ACTN4: variants seen among roughly 807,000 people sequenced by gnomAD.
The protein encoded by ACTN4 is alpha-actinin-4.
A neutral mutation model predicts 114.2 loss-of-function variants in ACTN4; 18 were observed. That is an observed-to-expected ratio of 0.16 (90% CI 0.11 to 0.23). The LOEUF is 0.23. Among genes scored for constraint, ACTN4 ranks in the 10% least tolerant of loss-of-function variants. The pLI is 1.00. For missense variants in ACTN4, 722 were observed against 1,262.9 expected (o/e 0.57, Z 6.49); for synonymous variants, 515 against 506.3 (o/e 1.02, Z -0.23).
intron 12 of ACTN4, 80 bp from the exon 13 acceptor site, chr19:38,723,534 G>A (rs1969117640): frequency 9.4e-7 from 1 of 1,064,496 alleles, no homozygotes; most frequent in Non-Finnish European, 1.4e-6. Context: ...CCCTGGCCTG[G>A]GAACCTTGGG....
At chr19:38,672,202 G>A (rs1286434019) in intron 1 of ACTN4, among the ~76,000 whole-genome samples, 1 of 149,830 alleles carries the variant, frequency 6.7e-6, no homozygotes, top group African/African-American at 2.5e-5. Context: ...CCTGCCAGAC[G>A]TATGGCCCAC....
intron 1 of ACTN4, among the ~76,000 whole-genome samples, chr19:38,649,876 C>T (rs1398391436): frequency 6.6e-6 from 1 of 152,032 alleles, no homozygotes; most frequent in Non-Finnish European, 1.5e-5. Flanking sequence ...CTTGAATTTC[C>T]TCATCCGTAG....
intron 8 of ACTN4, among the ~76,000 whole-genome samples, chr19:38,712,729 GCATGTTTGCCATT>G (rs1300180138): frequency 6.6e-6 from 1 of 152,112 alleles, no homozygotes; most frequent in Admixed American, 6.5e-5. Context: ...CCAACTAACA[GCATGTTTGCCATT>G]GGACTCACCC....
chr19:38,714,747 G>A (rs1968782956), intron 9 of ACTN4, among the ~76,000 whole-genome samples, 186 bp downstream of exon 9: 1 of 152,352 alleles, frequency 6.6e-6, no homozygotes, highest in Non-Finnish European at 1.5e-5. Context: ...CAAGGCTAAG[G>A]GTCAGACCGG....
intron 1 of ACTN4, among the ~76,000 whole-genome samples, chr19:38,698,542 C>T (rs1968166472): frequency 6.6e-6 from 1 of 152,178 alleles, no homozygotes; most frequent in South Asian, 2.1e-4. Context: ...ATGTGGTCTG[C>T]AGGGAGGAGG....
chr19:38,731,486 T>C lies in ACTN4; in HGVS notation c.*2054T>C. 5.6e-6 allele frequency: 3 copies of C among 533,254 alleles called. No individual in the cohort carries two copies. The highest frequency in any genetic ancestry group is 1.0e-5 in the Non-Finnish European group (3 of 293,254). The allele number at this position is 533,254 out of a possible 1,614,324, so 33.0% of individuals were successfully genotyped here. ...GGACAGCGTCTGACACGTGACTCGA[T>C]GTGTGGGTACTGTTACTCCTTAAAT... On this transcript the variant is annotated 3_prime_UTR_variant, in exon 21 of 21. Transcript: ENST00000252699.
At chr19:38,652,925 A>G (rs562932357) in intron 1 of ACTN4, among the ~76,000 whole-genome samples, 1 of 152,186 alleles carries the variant, frequency 6.6e-6, no homozygotes, top group South Asian at 2.1e-4. Context: ...GTCTCTACCA[A>G]TAATACAAAA....
intron 1 of ACTN4, among the ~76,000 whole-genome samples, chr19:38,655,922 T>G (rs1976698890): frequency 1.3e-5 from 2 of 152,240 alleles, no homozygotes; most frequent in African/African-American, 4.8e-5. Flanking sequence ...CTGTGCTGTT[T>G]AGGAAATAAT....
chr19:38,681,639 G>A (rs762952616), intron 1 of ACTN4, among the ~76,000 whole-genome samples: 7 of 152,122 alleles, frequency 4.6e-5, no homozygotes, highest in Non-Finnish European at 8.8e-5. Context: ...GACCTTTGCT[G>A]TCCTCAGATC....
chr19:38,709,613 G>A (rs535665536), intron 7 of ACTN4, 137 bp downstream of exon 7: 2 of 779,286 alleles, frequency 2.6e-6, no homozygotes, highest in Non-Finnish European at 4.5e-6. Context: ...AGCAAGAAGG[G>A]CTGAATGATT....
intron 11 of ACTN4, 99 bp from the exon 12 acceptor site, chr19:38,721,438 TC>T: frequency 7.2e-7 from 1 of 1,392,896 alleles, no homozygotes; most frequent in East Asian, 2.3e-5. Flanking sequence ...GGATGTGGGG[TC>T]CACAGTCTCT....
At chr19:38,663,414 G>T (rs1005237506) in intron 1 of ACTN4, among the ~76,000 whole-genome samples, 3 of 152,216 alleles carry the variant, frequency 2.0e-5, no homozygotes, top group Non-Finnish European at 4.4e-5. Flanking sequence ...AGCTCGCGGT[G>T]TAGCTGGGGA....
chr19:38,717,849 A>G lies in ACTN4; in HGVS notation c.1144-78A>G, dbSNP rs113496871. The G allele has an allele frequency of 1.3e-6, 2 of 1,541,878 alleles. No individual in the cohort carries two copies. The highest frequency in any genetic ancestry group is 2.4e-5 in the East Asian group (1 of 40,898). ...CCCAGCCAAGTTCTGCCACCTTCCC[A>G]TCAGCATCCCTTGGAGACATCCCCC... On this transcript the variant is annotated intron_variant, in intron 10 of 20. Coordinates refer to ENST00000252699, the MANE Select transcript of ACTN4 (RefSeq NM_004924.6). The surrounding 1 kb of genome is among the most constrained non-coding windows in gnomAD (Gnocchi z 4.0).
intron 17 of ACTN4, 70 bp from the exon 18 acceptor site, chr19:38,726,885 CCT>C: frequency 6.2e-7 from 1 of 1,603,162 alleles, no homozygotes; most frequent in South Asian, 1.1e-5. Context: ...AGTTCACAGT[CCT>C]CCACGTGTGA....
chr19:38,667,550 T>C (rs968065349), intron 1 of ACTN4, among the ~76,000 whole-genome samples: 1 of 152,166 alleles, frequency 6.6e-6, no homozygotes, highest in Non-Finnish European at 1.5e-5. Context: ...TTTTGAGCCA[T>C]TCCCTATTTA....
chr19:38,693,596 C>T (rs954634379), intron 1 of ACTN4: 1 of 152,222 alleles, frequency 6.6e-6, no homozygotes, highest in Non-Finnish European at 1.5e-5. Flanking sequence ...TTTGCCTCTT[C>T]GGGTTGAGGG....
chr19:38,673,021 C>T (rs1207247867), intron 1 of ACTN4, among the ~76,000 whole-genome samples: 1 of 149,970 alleles, frequency 6.7e-6, no homozygotes, highest in Non-Finnish European at 1.5e-5. Context: ...TGGCTCACTA[C>T]AACCTCTGCC....
chr19:38,677,335 A>G (rs1967411009), intron 1 of ACTN4, among the ~76,000 whole-genome samples: 1 of 149,930 alleles, frequency 6.7e-6, no homozygotes, highest in African/African-American at 2.4e-5. Flanking sequence ...GTAAGTGTGC[A>G]CTAAATAAAT....
At position 38,724,470 on chromosome 19, in the gene ACTN4, G is replaced by A; in HGVS notation, c.1915G>A (p.Glu639Lys). The change falls in exon 16 of 21, where the codon GAG (glutamate) becomes AAG (lysine). Residue 639 changes from glutamate (E) to lysine (K), a missense_variant. Coordinates refer to ENST00000252699, the MANE Select transcript of ACTN4 (RefSeq NM_004924.6). This position sits in a 1 kb window ranked among gnomAD's most constrained non-coding sequence, Gnocchi z 7.0. The stretch of plus-strand genomic sequence containing the variant: ...GCCAAAACGGGACCATGCCCTCCTG[G>A]AGGAGCAGAGCAAGCAGCAGTCCAA... ...LVPKRDHALL[E>K]EQSKQQSNEH... The A allele has an allele frequency of 6.2e-7, 1 of 1,613,584 alleles. No individual in the cohort carries two copies. Among genetic ancestry groups the A allele is most frequent in the Non-Finnish European group, 8.5e-7 (1 of 1,180,006 alleles).
Sources: gnomAD v4.1 joint callset for allele counts (sites outside exome capture counted in the v4.1 genomes callset) on GRCh38, gnomAD v4.1.1 for gene constraint, Gnocchi (gnomAD v3.1) non-coding constraint, MANE v1.5 for transcripts, NCBI Gene and HGNC (gene_info 2026-07-23, HGNC 2026-07-21) for gene names.